RELN: variants seen among roughly 807,000 people sequenced by gnomAD.
RELN encodes reelin.
Under a neutral mutation model 427.6 loss-of-function variants are expected in RELN, and 108 were observed. The ratio of observed to expected loss-of-function variants is 0.25; its 90% CI spans 0.22 to 0.30. The LOEUF (loss-of-function observed/expected upper bound fraction) is 0.30. Ranked by LOEUF, RELN falls within the 10% of genes least tolerant of loss-of-function variation. The pLI is 1.00. For missense variants in RELN, 3,715 were observed against 4,302.8 expected (o/e 0.86, Z 3.82); for synonymous variants, 1,524 against 1,513.4 (o/e 1.01, Z -0.16).
chr7:103,677,035 T>C (rs1055077887), intron 11 of RELN, among the ~76,000 whole-genome samples: 8 of 145,696 alleles, frequency 5.5e-5, no homozygotes, highest in Non-Finnish European at 9.0e-5. Context: ...AGTTAAAGCA[T>C]AATAAAAAAA....
intron 1 of RELN, among the ~76,000 whole-genome samples, chr7:103,954,870 T>G (rs778556347): frequency 9.2e-5 from 14 of 152,214 alleles, no homozygotes; most frequent in Non-Finnish European, 2.9e-5. Context: ...TTATCCTTTG[T>G]GCTAATTTTT....
intron 1 of RELN, among the ~76,000 whole-genome samples, chr7:103,974,804 T>A (rs1481936815): frequency 6.6e-6 from 1 of 152,250 alleles, no homozygotes. Context: ...CACTATTTAT[T>A]CCTATTCAAA....
At chr7:103,934,531 A>C (rs1355535748) in intron 1 of RELN, among the ~76,000 whole-genome samples, 1 of 152,212 alleles carries the variant, frequency 6.6e-6, no homozygotes, top group Non-Finnish European at 1.5e-5. Context: ...TCCCAGCCTC[A>C]GAATCACAAC....
intron 2 of RELN, among the ~76,000 whole-genome samples, chr7:103,862,821 T>G (rs1794103978): frequency 6.6e-6 from 1 of 152,068 alleles, no homozygotes; most frequent in South Asian, 2.1e-4. Context: ...GCAGATGGTC[T>G]AAAGGTTGGT....
chr7:103,524,305 G>A (rs1829775262), intron 46 of RELN, among the ~76,000 whole-genome samples: 1 of 151,914 alleles, frequency 6.6e-6, no homozygotes, highest in South Asian at 2.1e-4. Flanking sequence ...CTTCCCACTT[G>A]CTCCCTAATT....
At chr7:103,897,839 G>C (rs1794995071) in intron 2 of RELN, among the ~76,000 whole-genome samples, 1 of 151,976 alleles carries the variant, frequency 6.6e-6, no homozygotes. Flanking sequence ...ACAATTCTCA[G>C]ATGACATCTG....
chr7:103,693,983 T>A (rs1336544421), intron 10 of RELN, among the ~76,000 whole-genome samples: 1 of 152,156 alleles, frequency 6.6e-6, no homozygotes, highest in Non-Finnish European at 1.5e-5. Flanking sequence ...AACCAGGAAC[T>A]AGAATTTTGA....
At chr7:103,783,463 C>T (rs1791944259) in intron 3 of RELN, among the ~76,000 whole-genome samples, 1 of 152,170 alleles carries the variant, frequency 6.6e-6, no homozygotes, top group Admixed American at 6.5e-5. Flanking sequence ...TATGTTTTCA[C>T]AATGCTTTTG....
chr7:103,666,867 GAGA>G (rs1235568304), intron 11 of RELN, among the ~76,000 whole-genome samples: 1 of 151,930 alleles, frequency 6.6e-6, no homozygotes, highest in Non-Finnish European at 1.5e-5. Context: ...CTTCTTTATG[GAGA>G]AGGAGCTCTT....
chr7:103,724,818 A>G (rs1790164334), intron 7 of RELN, among the ~76,000 whole-genome samples: 1 of 152,224 alleles, frequency 6.6e-6, no homozygotes, highest in South Asian at 2.1e-4. Context: ...GAAGGAAAAA[A>G]AAAAAGAAGC....
At chr7:103,689,525 A>ACG (rs1024248683) in intron 10 of RELN, among the ~76,000 whole-genome samples, 1 of 151,814 alleles carries the variant, frequency 6.6e-6, no homozygotes, top group African/African-American at 2.4e-5. Context: ...ACACACACAC[A>ACG]CCAAGTGTTC....
At chr7:103,587,874 A>G (rs182658847) in intron 28 of RELN, among the ~76,000 whole-genome samples, 10 of 152,274 alleles carry the variant, frequency 6.6e-5, no homozygotes, top group Admixed American at 5.9e-4. Context: ...AAGACAAAAA[A>G]CAAACAAACA....
chr7:103,917,201 G>GA lies in RELN; in HGVS notation c.227-17dup, dbSNP rs561211301. 0.013 allele frequency: 17,945 copies of GA among 1,354,904 alleles called. 1 individual carries two copies. Among genetic ancestry groups the GA allele is most frequent in the Non-Finnish European group, 0.015 (15,260 of 1,004,774 alleles). 83.9% of individuals were successfully genotyped at this position (1,354,904 alleles called of 1,614,324 possible). A position where few individuals can be genotyped will look rare whatever the true frequency, so the allele number is the denominator to read the frequency against. The stretch of plus-strand genomic sequence containing the variant: ...GAAATTGTCACTGAAATGTAAGAAA[G>GA]AAAAAAAAAACTCTCAATACAGTCA... On this transcript the variant is annotated splice_polypyrimidine_tract_variant and intron_variant, in intron 1 of 64. Coordinates refer to ENST00000428762, the MANE Select transcript of RELN (RefSeq NM_005045.4).
intron 5 of RELN, among the ~76,000 whole-genome samples, chr7:103,751,839 C>A (rs1215132107): frequency 6.6e-6 from 1 of 152,164 alleles, no homozygotes; most frequent in Non-Finnish European, 1.5e-5. Context: ...AAAGGAAAAG[C>A]CCAAGAGACA....
chr7:103,628,994 G>A (rs1832391519), intron 20 of RELN, among the ~76,000 whole-genome samples: 1 of 152,116 alleles, frequency 6.6e-6, no homozygotes, highest in South Asian at 2.1e-4. Flanking sequence ...CTCCTTCCTG[G>A]TCCTTGAATA....
At position 103,764,834 on chromosome 7, in the gene RELN, C is replaced by CAAA. The variant is rs545236187; in HGVS notation, c.545-11623_545-11621dup. ...CTGGTGACAAGAGTGAGACTCCTCT[C>CAAA]AAAAAAAAAAAAAAAAAAAAAGTGC... On this transcript the variant is annotated intron_variant, in intron 4 of 64. Coordinates refer to ENST00000428762, the MANE Select transcript of RELN (RefSeq NM_005045.4). Among the ~76,000 whole-genome samples, 109 of 52,528 alleles carry CAAA rather than the reference C, an allele frequency of 2.1e-3. 1 individual carries two copies. The highest frequency in any genetic ancestry group is 5.9e-3 in the African/African-American group (107 of 18,208). The allele number at this position is 52,528 out of a possible 152,430, so 34.5% of individuals were successfully genotyped here.
chr7:103,940,561 C>T (rs1025883665), intron 1 of RELN, among the ~76,000 whole-genome samples: 2 of 152,180 alleles, frequency 1.3e-5, no homozygotes, highest in African/African-American at 4.8e-5. Context: ...AGCTGCTATC[C>T]TTTCCATATC....
rs539115777 is a variant in RELN, at chr7:103,752,209, G to A, written c.577+973C>T. 2.0e-5 allele frequency among the ~76,000 whole-genome samples: 3 copies of A among 152,244 alleles called. No homozygotes were observed. The East Asian group carries it at 5.8e-4, about 29-fold the overall frequency. ...TCTACTTTGCAGATGAGAAAACTGA[G>A]GCACAGAGAGGTTAAGTAACTTGCT... On this transcript the variant is annotated intron_variant, in intron 5 of 64. Coordinates refer to ENST00000428762, the MANE Select transcript of RELN (RefSeq NM_005045.4).
chr7:103,771,002 C>T (rs773876119), intron 4 of RELN, among the ~76,000 whole-genome samples: 1 of 149,892 alleles, frequency 6.7e-6, no homozygotes, highest in Non-Finnish European at 1.5e-5. Flanking sequence ...GCAACCTCTG[C>T]CTCCCAGGTT....
Sources: gnomAD v4.1 joint callset for allele counts (sites outside exome capture counted in the v4.1 genomes callset) on GRCh38, gnomAD v4.1.1 for gene constraint, MANE v1.5 for transcripts, NCBI Gene and HGNC (gene_info 2026-07-23, HGNC 2026-07-21) for gene names.